SMIM45: variants seen among roughly 807,000 people sequenced by gnomAD.
SMIM45 encodes long intergenic non-protein coding RNA 634.
At chr22:41,958,071 G>C in the SMIM45 span, 1 of 307,906 alleles carries the variant, frequency 3.2e-6, no homozygotes, top group South Asian at 2.5e-5. Flanking sequence ...TGGAGGTGGG[G>C]CACTTAGGTG....
chr22:41,946,997 G>T, the SMIM45 span: 2 of 1,611,714 alleles, frequency 1.2e-6, no homozygotes, highest in Non-Finnish European at 1.7e-6. Context: ...ACCGGCGGGG[G>T]AAGCAGGGCC....
the SMIM45 span, among the ~76,000 whole-genome samples, chr22:41,949,117 C>T: frequency 6.6e-6 from 1 of 151,328 alleles, no homozygotes; most frequent in South Asian, 2.1e-4. Context: ...CGGTGGCGGG[C>T]GCCTGTAATA....
the SMIM45 span, among the ~76,000 whole-genome samples, chr22:41,950,107 A>G: frequency 8.2e-6 from 1 of 121,222 alleles, no homozygotes; most frequent in African/African-American, 3.3e-5. Context: ...AGCAACCTCC[A>G]CTTTATCTCT....
At chr22:41,952,058 G>A in the SMIM45 span, 10,678 of 152,704 alleles carry the variant, frequency 0.07, 539 homozygotes, top group Middle Eastern at 0.098. Flanking sequence ...CCAGGGCAAC[G>A]GAAGATAAAG....
chr22:41,955,324 C>T, the SMIM45 span, among the ~76,000 whole-genome samples: 1 of 151,966 alleles, frequency 6.6e-6, no homozygotes, highest in East Asian at 2.0e-4. Context: ...GGATTACAAG[C>T]ATGTGCCACC....
chr22:41,954,336 A>T, the SMIM45 span, among the ~76,000 whole-genome samples: 1 of 149,976 alleles, frequency 6.7e-6, no homozygotes, highest in Non-Finnish European at 1.5e-5. Flanking sequence ...CCTGTTGAGT[A>T]GCTGGGATTA....
the SMIM45 span, among the ~76,000 whole-genome samples, chr22:41,948,761 AT>A: frequency 6.6e-6 from 1 of 152,106 alleles, no homozygotes; most frequent in South Asian, 2.1e-4. Context: ...CTACAAAAAA[AT>A]TTTTAAATTA....
chr22:41,953,879 T>C, the SMIM45 span, among the ~76,000 whole-genome samples: 1 of 150,552 alleles, frequency 6.6e-6, no homozygotes, highest in South Asian at 2.1e-4. Context: ...GCCTCCCAAG[T>C]AGCTGGGACT....
chr22:41,958,647 A>C, the SMIM45 span: 3 of 264,874 alleles, frequency 1.1e-5, no homozygotes, highest in South Asian at 3.6e-5. Flanking sequence ...GTGGGTCCCA[A>C]CCCCCTCCCT....
chr22:41,950,721 C>T, the SMIM45 span, among the ~76,000 whole-genome samples: 6 of 147,524 alleles, frequency 4.1e-5, no homozygotes, highest in African/African-American at 1.3e-4. Context: ...AAAGGCCAGG[C>T]GCAGTGGCTC....
At chr22:41,955,232 G>A in the SMIM45 span, among the ~76,000 whole-genome samples, 2 of 151,390 alleles carry the variant, frequency 1.3e-5, no homozygotes, top group Admixed American at 1.3e-4. Flanking sequence ...CCAGGCTGGA[G>A]TGCAGTGGCA....
the SMIM45 span, chr22:41,957,546 G>A: frequency 6.6e-6 from 1 of 152,556 alleles, no homozygotes; most frequent in Non-Finnish European, 1.5e-5. Context: ...TGCTCTCCTG[G>A]ACCTCAGTCT....
At chr22:41,951,279 C>A in the SMIM45 span, among the ~76,000 whole-genome samples, 1 of 152,240 alleles carries the variant, frequency 6.6e-6, no homozygotes, top group Non-Finnish European at 1.5e-5. Flanking sequence ...GTGGCAGATA[C>A]CTTGTCTATG....
the SMIM45 span, among the ~76,000 whole-genome samples, chr22:41,947,970 GT>G: frequency 6.6e-6 from 1 of 152,162 alleles, no homozygotes; most frequent in Admixed American, 6.6e-5. Context: ...TAAGCATGCT[GT>G]TCTTTGTCCA....
the SMIM45 span, chr22:41,958,108 G>T: frequency 5.9e-6 from 2 of 338,124 alleles, no homozygotes; most frequent in African/African-American, 4.3e-5. Context: ...CTTGCTCTCC[G>T]TGTCAAGCCG....
chr22:41,953,990 CAAA>C, the SMIM45 span, among the ~76,000 whole-genome samples: 2 of 126,540 alleles, frequency 1.6e-5, no homozygotes, highest in Admixed American at 8.3e-5. Flanking sequence ...GATCAAGTCT[CAAA>C]AAAAAAAAAA....
the SMIM45 span, among the ~76,000 whole-genome samples, chr22:41,953,324 C>T: frequency 2.0e-5 from 3 of 152,226 alleles, no homozygotes; most frequent in East Asian, 1.9e-4. Flanking sequence ...GGCTTCTCTC[C>T]GACCTACCTG....
At chr22:41,946,957 T>G in the SMIM45 span, 1 of 1,539,062 alleles carries the variant, frequency 6.5e-7, no homozygotes, top group Non-Finnish European at 9.0e-7. Flanking sequence ...TCAGTTGACC[T>G]AGTGGCTGAA....
chr22:41,958,151 G>A, the SMIM45 span: 3 of 359,736 alleles, frequency 8.3e-6, no homozygotes, highest in South Asian at 6.1e-5. Flanking sequence ...CAAGCTCAGG[G>A]GCATCCTCCG....
Sources: allele counts gnomAD v4.1 joint callset (sites outside exome capture counted in the v4.1 genomes callset), GRCh38; gene constraint gnomAD v4.1.1; transcripts MANE v1.5; gene names NCBI Gene and HGNC (gene_info 2026-07-23, HGNC 2026-07-21).